The following CDH9 variants were observed in gnomAD, a reference collection of about 807,000 sequenced individuals.
The protein encoded by CDH9 is cadherin 9, also known as cadherin-9.
A neutral mutation model predicts 70.9 loss-of-function variants in CDH9; 28 were observed. The ratio of observed to expected loss-of-function variants is 0.40; its 90% confidence interval spans 0.29 to 0.54. The LOEUF (loss-of-function observed/expected upper bound fraction) is 0.54, where lower values mean the gene tolerates loss of function less well. CDH9 is among the 20% of genes least tolerant of loss of function. CDH9 has a pLI of 0.59. For synonymous variants in CDH9, 409 were observed against 343.1 expected, an observed-to-expected ratio of 1.19 and a Z score of -2.12; for missense variants, 874 against 984.4, an observed-to-expected ratio of 0.89 and a Z score of 1.50.
intron 3 of CDH9, among the ~76,000 whole-genome samples, chr5:26,909,943 AATT>A (rs1245949888): frequency 1.3e-5 from 2 of 151,846 alleles, no homozygotes; most frequent in African/African-American, 4.8e-5. Context: ...TCATCAATAT[AATT>A]ATTATTATAA....
chr5:26,887,337 A>G (rs899695976), intron 9 of CDH9, among the ~76,000 whole-genome samples: 2 of 151,736 alleles, frequency 1.3e-5, no homozygotes, highest in Non-Finnish European at 2.9e-5. Context: ...TTAGTTATAT[A>G]TGACATTTGA....
intron 2 of CDH9, among the ~76,000 whole-genome samples, chr5:26,954,569 A>T (rs1414493395): frequency 1.3e-5 from 2 of 151,570 alleles, no homozygotes; most frequent in African/African-American, 2.4e-5. Context: ...TATTTTCAGT[A>T]GAGACGGGGT....
chr5:26,983,501 A>G (rs1742436400), intron 2 of CDH9, among the ~76,000 whole-genome samples: 1 of 152,226 alleles, frequency 6.6e-6, no homozygotes, highest in Non-Finnish European at 1.5e-5. Context: ...AAAATAAAAC[A>G]TGGAGCTATA....
intron 3 of CDH9, among the ~76,000 whole-genome samples, chr5:26,907,768 TAG>T (rs1740975950): frequency 6.6e-6 from 1 of 152,112 alleles, no homozygotes; most frequent in African/African-American, 2.4e-5. Context: ...TGGACAAAGC[TAG>T]ATTGTAGGAC....
chr5:26,904,193 T>C (rs1199680913), intron 5 of CDH9, among the ~76,000 whole-genome samples: 1 of 151,988 alleles, frequency 6.6e-6, no homozygotes, highest in South Asian at 2.1e-4. Context: ...TTTTTTAACA[T>C]GTATTCAATT....
intron 1 of CDH9, among the ~76,000 whole-genome samples, chr5:27,035,776 A>G (rs1743383811): frequency 6.6e-6 from 1 of 151,208 alleles, no homozygotes; most frequent in Admixed American, 6.6e-5. Context: ...ACATTTTTTA[A>G]GATATCTTTT....
At chr5:26,889,649 A>T (rs966138345) in intron 9 of CDH9, among the ~76,000 whole-genome samples, 187 bp downstream of exon 9, 1 of 149,212 alleles carries the variant, frequency 6.7e-6, no homozygotes, top group African/African-American at 2.4e-5. Context: ...TATTGATTCC[A>T]TTATAAAAAC....
At chr5:27,033,778 A>G (rs1245041023) in intron 1 of CDH9, among the ~76,000 whole-genome samples, 2 of 151,626 alleles carry the variant, frequency 1.3e-5, no homozygotes, top group Non-Finnish European at 3.0e-5. Context: ...AGAAAAAAAT[A>G]CAAATACATT....
At chr5:26,891,845 A>G (rs1429680889) in intron 7 of CDH9, among the ~76,000 whole-genome samples, 2 of 152,176 alleles carry the variant, frequency 1.3e-5, no homozygotes, top group Non-Finnish European at 2.9e-5. Context: ...TAAAAAATGA[A>G]CATAGGCAGC....
chr5:27,005,850 C>A (rs2112110366), intron 1 of CDH9, among the ~76,000 whole-genome samples: 1 of 152,230 alleles, frequency 6.6e-6, no homozygotes, highest in East Asian at 1.9e-4. Context: ...AGAAGGAATG[C>A]AGTCATATCT....
At chr5:27,003,527 C>T (rs975263691) in intron 1 of CDH9, among the ~76,000 whole-genome samples, 8 of 152,030 alleles carry the variant, frequency 5.3e-5, no homozygotes, top group Admixed American at 2.6e-4. Flanking sequence ...AGTAAGTACC[C>T]TCCTTACAAT....
At chr5:26,967,213 C>A (rs1238140363) in intron 2 of CDH9, among the ~76,000 whole-genome samples, 1 of 152,114 alleles carries the variant, frequency 6.6e-6, no homozygotes. Context: ...CTATACCTCC[C>A]GAAATGCTGG....
chr5:26,894,068 A>G (rs530385272), intron 7 of CDH9, among the ~76,000 whole-genome samples: 5 of 152,282 alleles, frequency 3.3e-5, no homozygotes, highest in African/African-American at 1.2e-4. Context: ...TAAAACGTAC[A>G]CAAAGAAAGA....
At chr5:26,978,269 T>A (rs1255305719) in intron 2 of CDH9, among the ~76,000 whole-genome samples, 1 of 152,014 alleles carries the variant, frequency 6.6e-6, no homozygotes, top group African/African-American at 2.4e-5. Flanking sequence ...GACATCAATA[T>A]ATTGAAGAAT....
chr5:26,982,715 G>A (rs1201850083), intron 2 of CDH9, among the ~76,000 whole-genome samples: 2 of 151,918 alleles, frequency 1.3e-5, no homozygotes, highest in Non-Finnish European at 2.9e-5. Context: ...TTGAGATGGA[G>A]TCTTGCTCCA....
chr5:27,025,625 G>T (rs1040266836), intron 1 of CDH9, among the ~76,000 whole-genome samples: 8 of 152,020 alleles, frequency 5.3e-5, no homozygotes, highest in Non-Finnish European at 1.2e-4. Flanking sequence ...GAGAAGAAAT[G>T]CCATTGTGTA....
chr5:26,911,232 C>G (rs527668415), intron 3 of CDH9, among the ~76,000 whole-genome samples: 7 of 151,882 alleles, frequency 4.6e-5, no homozygotes, highest in South Asian at 4.1e-4. Context: ...TGGGCCTTGG[C>G]GTACATAGAA....
chr5:26,957,705 A>G (rs1741970019), intron 2 of CDH9, among the ~76,000 whole-genome samples: 1 of 152,148 alleles, frequency 6.6e-6, no homozygotes, highest in South Asian at 2.1e-4. Flanking sequence ...TTCTTTGAAT[A>G]TTTTGAATTA....
In CDH9 at chr5:26,906,632, G is replaced by A. The variant is rs1740953352; in HGVS notation, c.643+87C>T. 22 of 1,487,332 alleles carry A rather than the reference G, an allele frequency of 1.5e-5. No individual in the cohort carries two copies. The South Asian group carries it at 2.8e-4, about 19-fold the overall frequency. The allele number at this position is 1,487,332 out of a possible 1,614,324, so 92.1% of individuals were successfully genotyped here. A position where few individuals can be genotyped will look rare whatever the true frequency, so the allele number is the denominator to read the frequency against. ...GAAACATGAAACTGAAAGAATAATG[G>A]TTTTAAAATATTTTAAAAATCTCTA... On this transcript the variant is annotated intron_variant, in intron 4 of 11. Transcript: ENST00000231021.
Sources: allele counts gnomAD v4.1 joint callset (sites outside exome capture counted in the v4.1 genomes callset), GRCh38; gene constraint gnomAD v4.1.1; transcripts MANE v1.5; gene names NCBI Gene and HGNC (gene_info 2026-07-23, HGNC 2026-07-21).